GSG1L: variants seen among roughly 807,000 people sequenced by gnomAD.
GSG1L encodes the protein GSG1 like, also known as germ cell-specific gene 1-like protein.
A neutral mutation model predicts 42.1 loss-of-function variants in GSG1L; 24 were observed. The ratio of observed to expected loss-of-function variants is 0.57; its 90% CI spans 0.41 to 0.80. The LOEUF (loss-of-function observed/expected upper bound fraction) is 0.80, where lower values mean the gene tolerates loss of function less well. Ranked by LOEUF, GSG1L falls within the 30% of genes least tolerant of loss-of-function variation. GSG1L has a pLI of 0.00. For missense variants in GSG1L, 445 were observed against 472.2 expected, an observed-to-expected ratio of 0.94 and a Z score of 0.53; for synonymous variants, 215 against 203.5, an observed-to-expected ratio of 1.06 and a Z score of -0.48.
chr16:27,999,422 G>A (rs1286166844), intron 1 of GSG1L, among the ~76,000 whole-genome samples: 1 of 152,136 alleles, frequency 6.6e-6, no homozygotes, highest in Non-Finnish European at 1.5e-5. Flanking sequence ...AATCACTGAT[G>A]GAAAGAATGA....
chr16:27,960,050 G>T (rs528416817), intron 2 of GSG1L, among the ~76,000 whole-genome samples: 1 of 152,198 alleles, frequency 6.6e-6, no homozygotes, highest in South Asian at 2.1e-4. Flanking sequence ...GGACAAGAGG[G>T]TATTGGAGAA....
chr16:27,944,211 T>G (rs1184728483), intron 2 of GSG1L, among the ~76,000 whole-genome samples: 1 of 152,190 alleles, frequency 6.6e-6, no homozygotes, highest in African/African-American at 2.4e-5. Flanking sequence ...GTTATGCACC[T>G]TGCTGCATTG....
At chr16:27,821,359 T>C (rs944980617) in intron 5 of GSG1L, among the ~76,000 whole-genome samples, 15 of 152,050 alleles carry the variant, frequency 9.9e-5, no homozygotes, top group Admixed American at 2.0e-4. Flanking sequence ...GATGCTGAGG[T>C]TGGGCTTCAG....
chr16:27,904,794 T>A (rs138741891), intron 2 of GSG1L, among the ~76,000 whole-genome samples: 1,753 of 152,250 alleles, frequency 0.012, 20 homozygotes, highest in Non-Finnish European at 0.017. Flanking sequence ...TAAGGAAAGG[T>A]ACAAGCACAG....
At chr16:27,851,132 G>A (rs2083509643) in intron 3 of GSG1L, among the ~76,000 whole-genome samples, 1 of 152,150 alleles carries the variant, frequency 6.6e-6, no homozygotes, top group Admixed American at 6.5e-5. Flanking sequence ...GCTTTTGATG[G>A]GAATTGGGAT....
At chr16:27,933,455 C>T (rs2084678365) in intron 2 of GSG1L, among the ~76,000 whole-genome samples, 1 of 151,902 alleles carries the variant, frequency 6.6e-6, no homozygotes, top group Admixed American at 6.6e-5. Context: ...TGAGACCAGC[C>T]AGGGCAACAT....
chr16:28,050,659 C>T (rs1325523391), intron 1 of GSG1L, among the ~76,000 whole-genome samples: 3 of 152,178 alleles, frequency 2.0e-5, no homozygotes, highest in Non-Finnish European at 2.9e-5. Context: ...ACTCCATCAC[C>T]GTTAGAGAAA....
intron 1 of GSG1L, among the ~76,000 whole-genome samples, chr16:28,026,770 C>T (rs1371124321): frequency 2.0e-5 from 3 of 152,162 alleles, no homozygotes; most frequent in Non-Finnish European, 4.4e-5. Context: ...AAGCAAGGCA[C>T]ACGACCAAAT....
At position 27,920,961 on chromosome 16, in the gene GSG1L, GA is replaced by G. The variant is rs1274857898; in HGVS notation, c.398-36324del. 2.0e-5 allele frequency among the ~76,000 whole-genome samples: 3 copies of G among 152,202 alleles called. No individual in the cohort carries two copies. The East Asian group carries it at 5.8e-4, about 29-fold the overall frequency. On this transcript the variant is annotated intron_variant, in intron 2 of 6. Coordinates refer to ENST00000447459, the MANE Select transcript of GSG1L (RefSeq NM_001109763.2). ...TGATTTCTAGCTAGACCTAGGCTGA[GA>G]AGGGCTGGAAACTTTTATGTTCTAT... is the stretch of plus-strand genomic sequence containing the variant.
chr16:27,840,171 A>G (rs895578519), intron 4 of GSG1L, among the ~76,000 whole-genome samples: 11 of 152,014 alleles, frequency 7.2e-5, no homozygotes, highest in African/African-American at 2.7e-4. Context: ...CTGGGACTAC[A>G]GGTGTGCACC....
intron 1 of GSG1L, among the ~76,000 whole-genome samples, chr16:27,965,126 C>T (rs1596658785): frequency 6.6e-6 from 1 of 152,264 alleles, no homozygotes; most frequent in South Asian, 2.1e-4. Context: ...TGAAGCAATT[C>T]TCCTGCCTCA....
intron 1 of GSG1L, among the ~76,000 whole-genome samples, chr16:28,006,093 C>T (rs76883355): frequency 0.031 from 4,714 of 152,024 alleles, 246 homozygotes; most frequent in Admixed American, 0.14. Flanking sequence ...ATGGAGAAGA[C>T]GGGGTGGGGG....
intron 2 of GSG1L, among the ~76,000 whole-genome samples, chr16:27,903,285 G>C (rs759471422): frequency 6.6e-6 from 1 of 152,064 alleles, no homozygotes. Flanking sequence ...CAACGTGGTC[G>C]GACCTGGGTA....
At chr16:27,802,845 G>A (rs2082899198) in intron 6 of GSG1L, among the ~76,000 whole-genome samples, 1 of 151,722 alleles carries the variant, frequency 6.6e-6, no homozygotes, top group Admixed American at 6.6e-5. Flanking sequence ...TTTCAAGATG[G>A]GGTCTTGCTA....
At chr16:27,976,512 T>A (rs1463628637) in intron 1 of GSG1L, among the ~76,000 whole-genome samples, 1 of 152,154 alleles carries the variant, frequency 6.6e-6, no homozygotes. Flanking sequence ...GAATCCAGAA[T>A]GTATGGCCAC....
chr16:27,883,776 C>T (rs139827595), intron 3 of GSG1L, among the ~76,000 whole-genome samples: 1 of 152,286 alleles, frequency 6.6e-6, no homozygotes, highest in African/African-American at 2.4e-5. Flanking sequence ...CCAGCTTAAC[C>T]CCTGATGACC....
At chr16:27,861,874 C>T (rs938395192) in intron 3 of GSG1L, among the ~76,000 whole-genome samples, 5 of 152,172 alleles carry the variant, frequency 3.3e-5, no homozygotes, top group South Asian at 2.1e-4. Flanking sequence ...AGGCCATATT[C>T]CCTGGGCTTC....
chr16:28,001,298 G>C lies in GSG1L; in HGVS notation c.350-38095C>G, dbSNP rs28704612. 3.3e-3 allele frequency among the ~76,000 whole-genome samples: 496 copies of C among 152,294 alleles called. 3 individuals carry two copies. The highest frequency in any genetic ancestry group is 0.011 in the African/African-American group (467 of 41,566). ...GGAGAGGTACAGCCAACGCCAGCCTGGGTCTTTCAACCCCAGGGCTGCTCC... is the reference window on the plus strand; with the variant it reads ...GGAGAGGTACAGCCAACGCCAGCCTCGGTCTTTCAACCCCAGGGCTGCTCC... On this transcript the variant is annotated intron_variant, in intron 1 of 6. Coordinates refer to ENST00000447459, the MANE Select transcript of GSG1L (RefSeq NM_001109763.2).
At chr16:28,025,701 C>A (rs755992639) in intron 1 of GSG1L, among the ~76,000 whole-genome samples, 30 of 152,216 alleles carry the variant, frequency 2.0e-4, no homozygotes, top group Non-Finnish European at 4.0e-4. Context: ...TGCCTGGGAC[C>A]CTGTGAAAGA....
Sources: gnomAD v4.1 joint callset for allele counts (sites outside exome capture counted in the v4.1 genomes callset) on GRCh38, gnomAD v4.1.1 for gene constraint, MANE v1.5 for transcripts, NCBI Gene and HGNC (gene_info 2026-07-23, HGNC 2026-07-21) for gene names.